The following CES5A variants were observed in gnomAD, a reference collection of about 807,000 sequenced individuals.
CES5A encodes carboxylesterase 5.
Under a neutral mutation model 62.9 loss-of-function variants are expected in CES5A, and 67 were observed. That is an observed-to-expected ratio of 1.07 (90% CI 0.88 to 1.31). The LOEUF is 1.31. Among genes scored for constraint, CES5A ranks in the 50% most tolerant of loss-of-function variants. The pLI, the probability that CES5A is intolerant of heterozygous loss-of-function variation, is 0.00. For synonymous variants in CES5A, 296 were observed against 280.8 expected, an observed-to-expected ratio of 1.05 and a Z score of -0.54; for missense variants, 748 against 708.5, an observed-to-expected ratio of 1.06 and a Z score of -0.63.
intron 1 of CES5A, among the ~76,000 whole-genome samples, chr16:55,904,126 C>T (rs747591220): frequency 9.2e-5 from 14 of 152,220 alleles, no homozygotes; most frequent in East Asian, 3.9e-4. Context: ...AGATTTTTCA[C>T]GTCTGGGACT....
chr16:55,924,609 C>T (rs1400552116), intron 1 of CES5A, among the ~76,000 whole-genome samples: 3 of 151,834 alleles, frequency 2.0e-5, no homozygotes, highest in African/African-American at 7.3e-5. Flanking sequence ...CCCTTAATAG[C>T]CAAAGCAATC....
At chr16:55,859,126 C>T (rs2033302427) in intron 8 of CES5A, among the ~76,000 whole-genome samples, 2 of 152,210 alleles carry the variant, frequency 1.3e-5, no homozygotes, top group African/African-American at 2.4e-5. Context: ...GCTTATGCAA[C>T]CTTAGCATTC....
chr16:55,922,908 T>A (rs1437199493), intron 1 of CES5A, among the ~76,000 whole-genome samples: 1 of 151,590 alleles, frequency 6.6e-6, no homozygotes, highest in Non-Finnish European at 1.5e-5. Context: ...TTTACAAACA[T>A]GTGGAAATTA....
In CES5A at chr16:55,866,658, TAAAAAA is replaced by T. The variant is rs369679801; in HGVS notation, c.552-548_552-543del. Among the ~76,000 whole-genome samples, 66 of 82,844 alleles carry T rather than the reference TAAAAAA, an allele frequency of 8.0e-4. 1 individual carries two copies. Among genetic ancestry groups the T allele is most frequent in the Non-Finnish European group, 1.0e-3 (41 of 39,778 alleles). The allele number at this position is 82,844 out of a possible 152,430, so 54.3% of individuals were successfully genotyped here. On this transcript the variant is annotated intron_variant, in intron 4 of 12. Transcript: ENST00000290567. ...TAATATAGTGAAACTCTGTCTCTGC[TAAAAAA>T]AAAAAAAAAAAAAATACAAAAAAAT...
Position 55,873,822 on chromosome 16 carries a change from C to A in CES5A, c.278+11G>T, listed in dbSNP as rs774371388. Reference sequence around the variant, plus strand: ...GTCACAAACCACCCGTGGGCCCGAACCTGGTCTTACAAATTAGGGTAGGAG... The same window carrying A: ...GTCACAAACCACCCGTGGGCCCGAAACTGGTCTTACAAATTAGGGTAGGAG... On this transcript the variant is annotated intron_variant, in intron 2 of 12. Coordinates refer to ENST00000290567, the MANE Select transcript of CES5A (RefSeq NM_001143685.2). 1.2e-6 allele frequency: 2 copies of A among 1,609,276 alleles called. No individual in the cohort carries two copies. Among genetic ancestry groups the A allele is most frequent in the East Asian group, 2.2e-5 (1 of 44,784 alleles).
intron 1 of CES5A, among the ~76,000 whole-genome samples, chr16:55,908,020 A>G (rs188752923): frequency 3.4e-4 from 52 of 152,266 alleles, no homozygotes; most frequent in African/African-American, 1.3e-3. Context: ...CACTGTCCCC[A>G]GAAGCCCTCC....
In CES5A at chr16:55,871,078, T is replaced by A. The variant is rs568773554; in HGVS notation, c.417+547A>T. On this transcript the variant is annotated intron_variant, in intron 3 of 12. Transcript: ENST00000290567. Reference sequence around the variant, plus strand: ...ACTGTGCCTGGCACACAGCAAGCATTTAATAGACATTACTGTTATGATACA... The same window carrying A: ...ACTGTGCCTGGCACACAGCAAGCATATAATAGACATTACTGTTATGATACA... Among the ~76,000 whole-genome samples, 48 of 152,306 alleles carry A rather than the reference T, an allele frequency of 3.2e-4. 1 individual carries two copies. Among genetic ancestry groups the A allele is most frequent in the African/African-American group, 8.9e-4 (37 of 41,550 alleles).
intron 2 of CES5A, among the ~76,000 whole-genome samples, chr16:55,937,340 G>A (rs1373246048): frequency 1.3e-5 from 2 of 152,166 alleles, no homozygotes; most frequent in African/African-American, 2.4e-5. Context: ...GGAGGGCAGG[G>A]ACAGATTGTG....
chr16:55,871,598 C>T lies in CES5A; in HGVS notation c.417+27G>A, dbSNP rs768790708. 5 of 1,612,692 alleles carry T rather than the reference C, an allele frequency of 3.1e-6. No homozygotes were observed. The East Asian group carries it at 8.9e-5, about 29-fold the overall frequency. On this transcript the variant is annotated intron_variant, in intron 3 of 12. Coordinates refer to ENST00000290567, the MANE Select transcript of CES5A (RefSeq NM_001143685.2). ...CAGGCCAAGGTCCTGCTAGCTAGAG[C>T]CCGAAGCACACAGCAGGCAGCCTTA... is the stretch of plus-strand genomic sequence containing the variant.
At chr16:55,938,143 C>T (rs1382373097) in intron 2 of CES5A, among the ~76,000 whole-genome samples, 12 of 152,140 alleles carry the variant, frequency 7.9e-5, no homozygotes, top group Non-Finnish European at 2.9e-5. Context: ...AAGGGATGAA[C>T]CATCTTTTCC....
chr16:55,954,702 T>A (rs1218053665), intron 1 of CES5A, among the ~76,000 whole-genome samples: 1 of 152,134 alleles, frequency 6.6e-6, no homozygotes, highest in East Asian at 1.9e-4. Flanking sequence ...GCAGAACTGC[T>A]GAAGTGGCCA....
chr16:55,900,137 C>A (rs1173702276), intron 1 of CES5A, among the ~76,000 whole-genome samples: 1 of 152,266 alleles, frequency 6.6e-6, no homozygotes, highest in Admixed American at 6.5e-5. Flanking sequence ...AGAAGCCTGA[C>A]CTCCATCGCA....
At chr16:55,930,491 G>A (rs2142468403) in intron 2 of CES5A, among the ~76,000 whole-genome samples, 1 of 152,320 alleles carries the variant, frequency 6.6e-6, no homozygotes. Context: ...TATTATAAAA[G>A]CCAGTTTGGT....
At chr16:55,946,611 G>A (rs1488941982) in intron 2 of CES5A, among the ~76,000 whole-genome samples, 1 of 152,202 alleles carries the variant, frequency 6.6e-6, no homozygotes, top group Non-Finnish European at 1.5e-5. Context: ...CTTAGGGAAT[G>A]TTTTCTGGAA....
At chr16:55,879,905 G>T (rs2033744107), upstream of CES5A, among the ~76,000 whole-genome samples, 1 of 152,216 alleles carries the variant, frequency 6.6e-6, no homozygotes, top group Non-Finnish European at 1.5e-5. Context: ...ACACTTAGGT[G>T]ACTTCTTTAC....
intron 1 of CES5A, among the ~76,000 whole-genome samples, chr16:55,903,484 G>T (rs1001890354): frequency 5.3e-5 from 8 of 152,208 alleles, no homozygotes; most frequent in African/African-American, 1.9e-4. Context: ...ATTTTTGAGT[G>T]AGGAGACCTA....
intron 3 of CES5A, 96 bp downstream of exon 3, chr16:55,871,529 G>C (rs949688347): frequency 1.1e-5 from 15 of 1,374,960 alleles, no homozygotes; most frequent in Admixed American, 2.0e-5. Flanking sequence ...TACCCAACAG[G>C]GGGTAGTTCC....
chr16:55,872,622 A>G (rs1315715225), intron 2 of CES5A, among the ~76,000 whole-genome samples: 1 of 152,196 alleles, frequency 6.6e-6, no homozygotes, highest in African/African-American at 2.4e-5. Flanking sequence ...ATCAATTCTT[A>G]ATAGAATAGT....
At chr16:55,878,433 A>G (rs1383898622), upstream of CES5A, among the ~76,000 whole-genome samples, 1 of 151,962 alleles carries the variant, frequency 6.6e-6, no homozygotes, top group Non-Finnish European at 1.5e-5. Context: ...TAGAGCTTCC[A>G]TCTCATAACC....
Sources: gnomAD v4.1 joint callset for allele counts (sites outside exome capture counted in the v4.1 genomes callset) on GRCh38, gnomAD v4.1.1 for gene constraint, MANE v1.5 for transcripts, NCBI Gene and HGNC (gene_info 2026-07-23, HGNC 2026-07-21) for gene names.